The following UGGT2 variants were observed in gnomAD, a reference collection of about 807,000 sequenced individuals.
UGGT2 encodes UDP-glucose glycoprotein glucosyltransferase 2.
A neutral mutation model predicts 192.1 loss-of-function variants in UGGT2; 180 were observed. The observed-to-expected ratio is 0.94, with a 90% confidence interval of 0.83 to 1.06. The LOEUF (loss-of-function observed/expected upper bound fraction) is 1.06, where lower values mean the gene tolerates loss of function less well. Among genes scored for constraint, UGGT2 ranks in the 50% least tolerant of loss-of-function variants. The pLI is 0.00. For missense variants in UGGT2, 1,849 were observed against 1,795.7 expected, an observed-to-expected ratio of 1.03 and a Z score of -0.54; for synonymous variants, 580 against 591.0, an observed-to-expected ratio of 0.98 and a Z score of 0.27.
At chr13:95,998,586 T>G (rs1320762462) in intron 6 of UGGT2, among the ~76,000 whole-genome samples, 1 of 151,890 alleles carries the variant, frequency 6.6e-6, no homozygotes, top group African/African-American at 2.4e-5. Flanking sequence ...ATAAATAAAT[T>G]TGACATGAAC....
intron 7 of UGGT2, 114 bp downstream of exon 7, chr13:95,995,949 T>G: frequency 1.2e-6 from 1 of 868,884 alleles, no homozygotes; most frequent in Middle Eastern, 3.2e-4. Flanking sequence ...TGTGTGTGTG[T>G]TTGTACTTTC....
At chr13:96,051,710 T>C (rs77677427) in intron 1 of UGGT2, among the ~76,000 whole-genome samples, 4,682 of 149,864 alleles carry the variant, frequency 0.031, 232 homozygotes, top group African/African-American at 0.11. Flanking sequence ...GATATATAAA[T>C]GGCTAACATG....
At chr13:96,000,435 T>G (rs2051763674) in intron 5 of UGGT2, among the ~76,000 whole-genome samples, 1 of 152,244 alleles carries the variant, frequency 6.6e-6, no homozygotes, top group Admixed American at 6.5e-5. Flanking sequence ...TTAACATTGC[T>G]GCCCACACTA....
At chr13:95,919,689 C>G (rs540070023) in intron 20 of UGGT2, among the ~76,000 whole-genome samples, 1 of 152,164 alleles carries the variant, frequency 6.6e-6, no homozygotes, top group East Asian at 1.9e-4. Context: ...AACCACTGCT[C>G]AAAGGAAATC....
At chr13:95,987,573 T>C (rs1160171583) in intron 8 of UGGT2, among the ~76,000 whole-genome samples, 3 of 152,116 alleles carry the variant, frequency 2.0e-5, no homozygotes, top group South Asian at 2.1e-4. Flanking sequence ...CTAAAAATAA[T>C]TGAAGATACT....
At chr13:95,966,093 G>C (rs2050571252) in intron 12 of UGGT2, among the ~76,000 whole-genome samples, 1 of 152,192 alleles carries the variant, frequency 6.6e-6, no homozygotes, top group African/African-American at 2.4e-5. Context: ...ACCTGCACTT[G>C]CCTGTTTATT....
chr13:95,933,704 C>T lies in UGGT2; in HGVS notation c.1977+3220G>A, dbSNP rs535099979. On this transcript the variant is annotated intron_variant, in intron 17 of 38. Transcript: ENST00000376747. ...TTTGTTTTTGTTTTTTGTTTTGAGA[C>T]GAAGTCTTGCTCTGTCACCTAGGCT... is the stretch of plus-strand genomic sequence containing the variant. Among the ~76,000 whole-genome samples, 17 of 151,942 alleles carry T rather than the reference C, an allele frequency of 1.1e-4. No individual in the cohort carries two copies. The East Asian group carries it at 2.1e-3, about 19-fold the overall frequency.
chr13:96,026,659 CTTTTTTT>C (rs71211702), intron 2 of UGGT2, among the ~76,000 whole-genome samples: 3 of 101,538 alleles, frequency 3.0e-5, no homozygotes, highest in Non-Finnish European at 5.8e-5. Context: ...TTTCACTCTT[CTTTTTTT>C]TTTTTTTTTT....
In UGGT2 at chr13:95,910,501, C is replaced by A. The variant is rs142864810; in HGVS notation, c.2296-7441G>T. Among the ~76,000 whole-genome samples, 205 of 152,286 alleles carry A rather than the reference C, an allele frequency of 1.3e-3. 1 individual carries two copies. The South Asian group carries it at 0.017, about 13-fold the overall frequency. On this transcript the variant is annotated intron_variant, in intron 20 of 38. Coordinates refer to ENST00000376747, the MANE Select transcript of UGGT2 (RefSeq NM_020121.4). ...TTAAAAGAGACAAAAAAGGCCAGTA[C>A]ATAATGGTAAACGGATGAATTGAAC...
At chr13:96,025,216 C>A (rs1191990886) in intron 2 of UGGT2, among the ~76,000 whole-genome samples, 1 of 152,114 alleles carries the variant, frequency 6.6e-6, no homozygotes, top group African/African-American at 2.4e-5. Flanking sequence ...CTTGACAGAT[C>A]TGACAACAAA....
At chr13:95,967,758 C>A (rs1336192011) in intron 12 of UGGT2, among the ~76,000 whole-genome samples, 1 of 152,190 alleles carries the variant, frequency 6.6e-6, no homozygotes, top group Non-Finnish European at 1.5e-5. Flanking sequence ...AGGCATGAGA[C>A]ACTGTGCCTG....
chr13:95,936,666 C>G (rs946680068), intron 17 of UGGT2, among the ~76,000 whole-genome samples: 8 of 152,226 alleles, frequency 5.3e-5, no homozygotes, highest in Non-Finnish European at 8.8e-5. Context: ...AGCCTAAACT[C>G]CTAATCGAGG....
chr13:96,041,382 C>A (rs2053160330), intron 1 of UGGT2, among the ~76,000 whole-genome samples: 1 of 152,268 alleles, frequency 6.6e-6, no homozygotes, highest in Admixed American at 6.5e-5. Flanking sequence ...TTCTGCCTTG[C>A]CTCACAGGGG....
chr13:96,020,568 T>TAA (rs2052485305), intron 4 of UGGT2, among the ~76,000 whole-genome samples: 1 of 152,140 alleles, frequency 6.6e-6, no homozygotes, highest in Non-Finnish European at 1.5e-5. Context: ...AACCATTAAA[T>TAA]CAGTCAAGTT....
chr13:95,828,602 C>G (rs1252708202), intron 38 of UGGT2, among the ~76,000 whole-genome samples: 1 of 152,134 alleles, frequency 6.6e-6, no homozygotes, highest in African/African-American at 2.4e-5. Flanking sequence ...CATGCACCCT[C>G]CCAAGACTAA....
chr13:95,950,102 G>A (rs376105413), intron 12 of UGGT2, among the ~76,000 whole-genome samples: 2 of 152,056 alleles, frequency 1.3e-5, no homozygotes, highest in African/African-American at 4.8e-5. Context: ...GTCAAAGTAC[G>A]GGCTGCCAAA....
chr13:95,804,527 T>G (rs1308361275), intron 38 of UGGT2, among the ~76,000 whole-genome samples: 1 of 152,184 alleles, frequency 6.6e-6, no homozygotes, highest in African/African-American at 2.4e-5. Flanking sequence ...AGTTGGCAGA[T>G]TCACATTTCC....
At chr13:95,934,953 G>A (rs1011776675) in intron 17 of UGGT2, among the ~76,000 whole-genome samples, 1 of 152,168 alleles carries the variant, frequency 6.6e-6, no homozygotes, top group African/African-American at 2.4e-5. Context: ...TCCAGTGTTG[G>A]TGCATATATA....
intron 22 of UGGT2, among the ~76,000 whole-genome samples, chr13:95,899,916 A>T (rs1200548894): frequency 1.3e-5 from 2 of 152,140 alleles, no homozygotes; most frequent in Non-Finnish European, 2.9e-5. Context: ...GTAAGTGAAA[A>T]ACAAAACATT....
Sources: gnomAD v4.1 joint callset for allele counts (sites outside exome capture counted in the v4.1 genomes callset) on GRCh38, gnomAD v4.1.1 for gene constraint, MANE v1.5 for transcripts, NCBI Gene and HGNC (gene_info 2026-07-23, HGNC 2026-07-21) for gene names.